NFATC1: variants seen among roughly 807,000 people sequenced by gnomAD.
NFATC1 encodes the protein nuclear factor of activated T cells 1.
Under a neutral mutation model 76.0 loss-of-function variants are expected in NFATC1, and 22 were observed. The ratio of observed to expected loss-of-function variants is 0.29; its 90% confidence interval spans 0.21 to 0.41. The LOEUF (loss-of-function observed/expected upper bound fraction) is 0.41. Among genes scored for constraint, NFATC1 ranks in the 10% least tolerant of loss-of-function variants. NFATC1 has a pLI of 1.00. For synonymous variants in NFATC1, 704 were observed against 613.1 expected (o/e 1.15, Z -2.19); for missense variants, 1,357 against 1,337.7 (o/e 1.01, Z -0.23).
In NFATC1 at chr18:79,509,273, T is replaced by C. The variant is rs547484535; in HGVS notation, c.2783-18255T>C. On this transcript the variant is annotated intron_variant, in intron 9 of 9. Transcript: ENST00000427363. ...TCAAGGCGGAGCTTTGGCACCCACA[T>C]ATGCAGATGTCCACCGCGCCTGCCG... Among the ~76,000 whole-genome samples the C allele has an allele frequency of 3.9e-5, 6 of 152,296 alleles. No individual in the cohort carries two copies. The South Asian group carries it at 6.2e-4, about 16-fold the overall frequency.
At chr18:79,469,137 T>C (rs2088670125) in intron 8 of NFATC1, 4 of 253,184 alleles carry the variant, frequency 1.6e-5, no homozygotes, top group Non-Finnish European at 2.5e-5. Context: ...AGCCCATTCT[T>C]GGAACAAAGT....
intron 7 of NFATC1, among the ~76,000 whole-genome samples, chr18:79,463,992 C>G (rs909215005): frequency 3.3e-5 from 5 of 152,262 alleles, no homozygotes; most frequent in Non-Finnish European, 5.9e-5. Flanking sequence ...ACTTTTGACA[C>G]TGGCATATTT....
At chr18:79,448,610 C>T (rs1274367754) in intron 3 of NFATC1, 172 bp from the exon 4 acceptor site, 19 of 664,458 alleles carry the variant, frequency 2.9e-5, no homozygotes, top group Non-Finnish European at 3.8e-5. Context: ...GATAACAAGG[C>T]ATTTTCTAAT....
chr18:79,419,608 C>T (rs920058571), intron 2 of NFATC1, among the ~76,000 whole-genome samples: 17 of 152,176 alleles, frequency 1.1e-4, no homozygotes, highest in Admixed American at 5.2e-4. Flanking sequence ...GTGGAGACAG[C>T]GTGAGGGCGG....
chr18:79,404,522 C>T (rs1324555557), intron 1 of NFATC1, among the ~76,000 whole-genome samples: 3 of 152,376 alleles, frequency 2.0e-5, no homozygotes, highest in East Asian at 3.9e-4. Flanking sequence ...CAGTTGTCAT[C>T]TGGCCTCACC....
At chr18:79,455,723 G>A (rs1204071283) in intron 6 of NFATC1, among the ~76,000 whole-genome samples, 1 of 135,814 alleles carries the variant, frequency 7.4e-6, no homozygotes, top group Non-Finnish European at 1.6e-5. Flanking sequence ...CCAACATGGT[G>A]GGACCCCAGC....
At chr18:79,457,234 C>T (rs1373246221) in intron 6 of NFATC1, among the ~76,000 whole-genome samples, 1 of 152,170 alleles carries the variant, frequency 6.6e-6, no homozygotes, top group Non-Finnish European at 1.5e-5. Context: ...AGGAGGGCAG[C>T]GCCCGGGGAA....
At chr18:79,481,961 GT>G (rs2089290239) in intron 8 of NFATC1, among the ~76,000 whole-genome samples, 2 of 142,018 alleles carry the variant, frequency 1.4e-5, no homozygotes, top group Admixed American at 6.9e-5. Flanking sequence ...GCATGACCTG[GT>G]TCCTGGGGTG....
chr18:79,500,759 A>G (rs2089995409), intron 9 of NFATC1, among the ~76,000 whole-genome samples: 1 of 152,190 alleles, frequency 6.6e-6, no homozygotes. Context: ...ATGAAATGGA[A>G]ACATTCTTAG....
intron 4 of NFATC1, 96 bp from the exon 5 acceptor site, chr18:79,450,855 CGTG>C: frequency 1.6e-5 from 24 of 1,454,560 alleles, no homozygotes; most frequent in Non-Finnish European, 2.2e-5. Context: ...GGCACGAGCT[CGTG>C]GGGCTGGGAT....
rs183916031 is a variant in NFATC1, at chr18:79,494,991, C to G, written c.2782+8054C>G. On this transcript the variant is annotated intron_variant, in intron 9 of 9. Coordinates refer to ENST00000427363, the MANE Select transcript of NFATC1 (RefSeq NM_001278669.2). ...AGAGCGGGCACACGCCCCCCATCAACCTGGTGCGGCCGGGTGAGCATGGAG... is the reference window on the plus strand; with the variant it reads ...AGAGCGGGCACACGCCCCCCATCAAGCTGGTGCGGCCGGGTGAGCATGGAG... 5.5e-3 allele frequency among the ~76,000 whole-genome samples: 837 copies of G among 152,348 alleles called. 10 individuals are homozygous for G. The highest frequency in any genetic ancestry group is 0.019 in the African/African-American group (785 of 41,564).
intron 2 of NFATC1, among the ~76,000 whole-genome samples, chr18:79,430,049 G>T (rs954639854): frequency 6.6e-6 from 1 of 152,244 alleles, no homozygotes; most frequent in Non-Finnish European, 1.5e-5. Flanking sequence ...GCCACGCCAC[G>T]TGGCTAGGGT....
chr18:79,473,947 C>A (rs1313030368), intron 8 of NFATC1, among the ~76,000 whole-genome samples: 1 of 141,086 alleles, frequency 7.1e-6, no homozygotes, highest in Admixed American at 7.1e-5. Flanking sequence ...ACATTGTAAA[C>A]CTGAGGGAAG....
chr18:79,490,288 A>C (rs1265659732), intron 9 of NFATC1, among the ~76,000 whole-genome samples: 1 of 151,030 alleles, frequency 6.6e-6, no homozygotes, highest in Non-Finnish European at 1.5e-5. Flanking sequence ...TCCCTGGTGC[A>C]GGCCCCGCTC....
rs74627776 is a variant in NFATC1 at position 79,498,642 on chromosome 18, A to T, written c.2782+11705A>T. Among the ~76,000 whole-genome samples, 576 of 152,348 alleles carry T rather than the reference A, an allele frequency of 3.8e-3. 4 individuals carry two copies. Among genetic ancestry groups the T allele is most frequent in the Non-Finnish European group, 4.9e-3 (331 of 68,038 alleles). ...AATGGCCCCAAACTTCCTAAATTTG[A>T]TGGAAAACATTATTCAGTGCATCCA... On this transcript the variant is annotated intron_variant, in intron 9 of 9. Coordinates refer to ENST00000427363, the MANE Select transcript of NFATC1 (RefSeq NM_001278669.2).
intron 9 of NFATC1, among the ~76,000 whole-genome samples, chr18:79,488,564 C>T (rs771055160): frequency 2.0e-4 from 31 of 152,298 alleles, no homozygotes; most frequent in African/African-American, 7.5e-4. Flanking sequence ...GAAGTTCTTA[C>T]TGTCTGACCT....
intron 2 of NFATC1, among the ~76,000 whole-genome samples, chr18:79,429,781 C>T (rs1305772276): frequency 2.0e-5 from 3 of 152,242 alleles, no homozygotes; most frequent in Non-Finnish European, 4.4e-5. Flanking sequence ...GTAAACCATT[C>T]TTGCTGTAAG....
chr18:79,515,638 C>T (rs916434295), intron 9 of NFATC1, among the ~76,000 whole-genome samples: 9 of 151,860 alleles, frequency 5.9e-5, no homozygotes, highest in Non-Finnish European at 8.8e-5. Context: ...AGAAGGAGGC[C>T]GCCTGATCAG....
chr18:79,527,661 C>G lies in NFATC1; in HGVS notation c.*84C>G. 8.2e-7 allele frequency: 1 copy of G among 1,223,598 alleles called. No individual in the cohort carries two copies. Among genetic ancestry groups the G allele is most frequent in the Non-Finnish European group, 1.2e-6 (1 of 829,776 alleles). The allele number at this position is 1,223,598 out of a possible 1,614,324, so 75.8% of individuals were successfully genotyped here. ...TTTGAATAAATAAACTGAACTCACA[C>G]CTGGTACCACTCAGAACCTCCAACT... On this transcript the variant is annotated 3_prime_UTR_variant, in exon 10 of 10. Coordinates refer to ENST00000427363, the MANE Select transcript of NFATC1 (RefSeq NM_001278669.2).
Sources: allele counts gnomAD v4.1 joint callset (sites outside exome capture counted in the v4.1 genomes callset), GRCh38; gene constraint gnomAD v4.1.1; transcripts MANE v1.5; gene names NCBI Gene and HGNC (gene_info 2026-07-23, HGNC 2026-07-21).